The following NR1H4 variants were observed in gnomAD, a reference collection of about 807,000 sequenced individuals.
NR1H4 encodes the protein bile acid receptor.
Under a neutral mutation model 58.5 loss-of-function variants are expected in NR1H4, and 23 were observed. The observed-to-expected ratio is 0.39, with a 90% confidence interval of 0.28 to 0.56. The LOEUF (loss-of-function observed/expected upper bound fraction) is 0.56. Ranked by LOEUF, NR1H4 falls within the 20% of genes least tolerant of loss-of-function variation. NR1H4 has a pLI of 0.58. For synonymous variants in NR1H4, 214 were observed against 198.0 expected, an observed-to-expected ratio of 1.08 and a Z score of -0.68; for missense variants, 487 against 576.9, an observed-to-expected ratio of 0.84 and a Z score of 1.60.
chr12:100,533,890 CTT>C (rs758465149), intron 5 of NR1H4, among the ~76,000 whole-genome samples: 19 of 143,296 alleles, frequency 1.3e-4, no homozygotes, highest in Admixed American at 2.8e-4. Flanking sequence ...TAATAGCTCT[CTT>C]TTTTTTTTTT....
intron 3 of NR1H4, among the ~76,000 whole-genome samples, chr12:100,503,901 C>T (rs1181669576): frequency 2.0e-5 from 3 of 152,030 alleles, no homozygotes; most frequent in Admixed American, 6.6e-5. Context: ...GTCTCGTGAC[C>T]AGCATTAAAA....
chr12:100,516,467 C>T (rs771453441), intron 4 of NR1H4, among the ~76,000 whole-genome samples: 41 of 152,092 alleles, frequency 2.7e-4, no homozygotes, highest in Non-Finnish European at 4.6e-4. Context: ...CCCGGGTTCA[C>T]GCCATTCTCC....
At chr12:100,493,031 G>GT (rs1566431497) in intron 2 of NR1H4, among the ~76,000 whole-genome samples, 1 of 151,736 alleles carries the variant, frequency 6.6e-6, no homozygotes. Flanking sequence ...AACATACGGT[G>GT]TTTTTTTCAG....
intron 1 of NR1H4, among the ~76,000 whole-genome samples, chr12:100,474,562 G>C (rs1408224813): frequency 6.6e-6 from 1 of 152,164 alleles, no homozygotes; most frequent in African/African-American, 2.4e-5. Context: ...CTTGACTTCA[G>C]TTGTAAACTC....
chr12:100,498,807 A>G (rs1221447434), intron 3 of NR1H4, among the ~76,000 whole-genome samples: 1 of 152,166 alleles, frequency 6.6e-6, no homozygotes, highest in Non-Finnish European at 1.5e-5. Flanking sequence ...GAGGCCTAGC[A>G]AGTGTCAGGA....
intron 4 of NR1H4, among the ~76,000 whole-genome samples, chr12:100,513,419 G>T (rs1023057314): frequency 6.6e-6 from 1 of 152,172 alleles, no homozygotes; most frequent in African/African-American, 2.4e-5. Context: ...AGCTGGCAGA[G>T]CTGTGGAGAT....
chr12:100,509,499 C>T (rs567875313), intron 3 of NR1H4, among the ~76,000 whole-genome samples: 9 of 152,224 alleles, frequency 5.9e-5, no homozygotes, highest in South Asian at 2.1e-4. Context: ...TATAATTTAT[C>T]GAGCACTTCT....
intron 4 of NR1H4, among the ~76,000 whole-genome samples, chr12:100,531,398 T>C (rs539312782): frequency 6.6e-6 from 1 of 152,242 alleles, no homozygotes; most frequent in East Asian, 1.9e-4. Flanking sequence ...AGAGACTGCA[T>C]GAGCTGAGAT....
At chr12:100,479,761 C>A (rs563477332) in intron 1 of NR1H4, among the ~76,000 whole-genome samples, 1 of 152,366 alleles carries the variant, frequency 6.6e-6, no homozygotes, top group African/African-American at 2.4e-5. Context: ...TTTCCTATAG[C>A]CCCTCCTTGG....
chr12:100,540,887 G>A, intron 9 of NR1H4, 69 bp downstream of exon 9: 1 of 1,490,638 alleles, frequency 6.7e-7, no homozygotes, highest in South Asian at 1.1e-5. Flanking sequence ...CATGAGGGTG[G>A]GGCTCTTGCC....
intron 1 of NR1H4, among the ~76,000 whole-genome samples, chr12:100,484,814 A>G (rs577596761): frequency 2.0e-5 from 3 of 152,206 alleles, no homozygotes; most frequent in Non-Finnish European, 2.9e-5. Flanking sequence ...AATTTCCAGT[A>G]GTTCCCCATT....
intron 1 of NR1H4, among the ~76,000 whole-genome samples, chr12:100,482,814 T>C (rs1953409477): frequency 6.6e-6 from 1 of 152,186 alleles, no homozygotes; most frequent in Non-Finnish European, 1.5e-5. Flanking sequence ...CAGGTGCTTC[T>C]TCTACATCTA....
intron 10 of NR1H4, 128 bp downstream of exon 10, chr12:100,562,126 T>C: frequency 1.6e-6 from 1 of 629,186 alleles, no homozygotes; most frequent in South Asian, 1.9e-5. Context: ...AATTCTGCTA[T>C]CCAAATAGAA....
chr12:100,505,892 C>A, intron 3 of NR1H4: 1 of 336,880 alleles, frequency 3.0e-6, no homozygotes, highest in South Asian at 3.8e-5. Context: ...CCTTGACATC[C>A]CCACTTCCCA....
chr12:100,555,647 G>A (rs1955305800), intron 9 of NR1H4, among the ~76,000 whole-genome samples: 1 of 152,134 alleles, frequency 6.6e-6, no homozygotes, highest in African/African-American at 2.4e-5. Flanking sequence ...CTGGAATTGT[G>A]CTAAGCACTC....
intron 1 of NR1H4, among the ~76,000 whole-genome samples, chr12:100,484,888 A>G (rs575804781): frequency 6.6e-6 from 1 of 152,318 alleles, no homozygotes; most frequent in South Asian, 2.1e-4. Flanking sequence ...AAGCTTTAAG[A>G]ATGGTGTGTA....
At chr12:100,480,224 T>C (rs190079808) in intron 1 of NR1H4, among the ~76,000 whole-genome samples, 2 of 152,312 alleles carry the variant, frequency 1.3e-5, no homozygotes, top group East Asian at 3.9e-4. Flanking sequence ...CTACTACCAT[T>C]GGGTTTTTCT....
intron 9 of NR1H4, among the ~76,000 whole-genome samples, chr12:100,545,234 C>T (rs1281251237): frequency 6.6e-6 from 1 of 151,736 alleles, no homozygotes; most frequent in Non-Finnish European, 1.5e-5. Flanking sequence ...ATTCCTTCCC[C>T]AGCCTGGCTG....
intron 3 of NR1H4, among the ~76,000 whole-genome samples, chr12:100,493,664 A>G (rs1427932781): frequency 1.3e-5 from 2 of 152,252 alleles, no homozygotes; most frequent in African/African-American, 4.8e-5. Context: ...GATAATTAAC[A>G]GAGCAGGGAG....
Sources: gnomAD v4.1 joint callset for allele counts (sites outside exome capture counted in the v4.1 genomes callset) on GRCh38, gnomAD v4.1.1 for gene constraint, MANE v1.5 for transcripts, NCBI Gene and HGNC (gene_info 2026-07-23, HGNC 2026-07-21) for gene names.